Variants in ROPN1L observed in about 807,000 individuals in gnomAD.
ROPN1L encodes the protein ropporin-1-like protein.
A neutral mutation model predicts 22.7 loss-of-function variants in ROPN1L; 23 were observed. The observed-to-expected ratio is 1.01, with a 90% CI of 0.73 to 1.43. ROPN1L has a LOEUF of 1.43. ROPN1L is among the 40% of genes most tolerant of loss of function. The pLI is 0.00. For synonymous variants in ROPN1L, 116 were observed against 117.8 expected, an observed-to-expected ratio of 0.98 and a Z score of 0.10; for missense variants, 271 against 291.5, an observed-to-expected ratio of 0.93 and a Z score of 0.51.
At chr5:10,453,691 C>G (rs1741327310) in intron 3 of ROPN1L, among the ~76,000 whole-genome samples, 1 of 152,274 alleles carries the variant, frequency 6.6e-6, no homozygotes, top group Admixed American at 6.5e-5. Context: ...CAGGTGTACT[C>G]TCTGTGCTGT....
the ROPN1L span, among the ~76,000 whole-genome samples, chr5:10,481,014 C>T: frequency 6.6e-6 from 1 of 152,082 alleles, no homozygotes; most frequent in Non-Finnish European, 1.5e-5. Flanking sequence ...TCCTATGAAA[C>T]CCACCGCAGT....
chr5:10,448,473 C>A, intron 2 of ROPN1L, 90 bp downstream of exon 2: 3 of 1,470,028 alleles, frequency 2.0e-6, no homozygotes, highest in South Asian at 1.3e-5. Context: ...GGGGCACACC[C>A]CAGCAATGTA....
At chr5:10,471,245 C>A (rs769506429) in intron 4 of ROPN1L, among the ~76,000 whole-genome samples, 3 of 152,272 alleles carry the variant, frequency 2.0e-5, no homozygotes, top group Non-Finnish European at 4.4e-5. Flanking sequence ...TCAAGAGATT[C>A]TCCTGCCTCA....
chr5:10,448,232 G>A (rs773951135), intron 1 of ROPN1L, 28 bp from the exon 2 acceptor site: 6 of 1,613,202 alleles, frequency 3.7e-6, no homozygotes, highest in Non-Finnish European at 5.1e-6. Flanking sequence ...GTATTGATGA[G>A]CTTTCAGAGA....
intron 1 of ROPN1L, among the ~76,000 whole-genome samples, chr5:10,446,848 A>G (rs942899482): frequency 1.3e-5 from 2 of 152,168 alleles, no homozygotes; most frequent in South Asian, 4.1e-4. Context: ...AACCTTGATT[A>G]GTAGGAATGT....
chr5:10,463,825 AG>A (rs1250892872), intron 4 of ROPN1L, among the ~76,000 whole-genome samples: 1 of 152,158 alleles, frequency 6.6e-6, no homozygotes, highest in Non-Finnish European at 1.5e-5. Flanking sequence ...ACAGTAAGCC[AG>A]GGATAGGGAC....
chr5:10,449,382 G>T (rs1579644753), intron 2 of ROPN1L, among the ~76,000 whole-genome samples: 1 of 152,260 alleles, frequency 6.6e-6, no homozygotes, highest in South Asian at 2.1e-4. Flanking sequence ...AACAGGGCGT[G>T]GTGGTGCGCA....
intron 3 of ROPN1L, among the ~76,000 whole-genome samples, chr5:10,455,310 G>A (rs1464888074): frequency 6.6e-6 from 1 of 152,220 alleles, no homozygotes; most frequent in Non-Finnish European, 1.5e-5. Context: ...ATTCGGAAGT[G>A]ACCAAGAAAG....
At chr5:10,455,258 G>A (rs1262326924) in intron 3 of ROPN1L, among the ~76,000 whole-genome samples, 2 of 152,220 alleles carry the variant, frequency 1.3e-5, no homozygotes, top group Non-Finnish European at 2.9e-5. Context: ...ACTCCTCGCT[G>A]CTGTTTCCTT....
intron 3 of ROPN1L, among the ~76,000 whole-genome samples, chr5:10,458,269 C>T (rs1734890487): frequency 6.6e-6 from 1 of 151,954 alleles, no homozygotes; most frequent in African/African-American, 2.4e-5. Flanking sequence ...CACCAGCAGC[C>T]TCCCTCCTGG....
chr5:10,478,901 T>G, the ROPN1L span, among the ~76,000 whole-genome samples: 1 of 152,166 alleles, frequency 6.6e-6, no homozygotes, highest in Non-Finnish European at 1.5e-5. Context: ...GCATGGCCAA[T>G]TTTGGAAAGA....
chr5:10,473,121 A>G (rs564230225), downstream of ROPN1L, among the ~76,000 whole-genome samples: 2 of 152,154 alleles, frequency 1.3e-5, no homozygotes, highest in Non-Finnish European at 2.9e-5. Context: ...TTTGCAATTG[A>G]TTTGACCTGA....
intron 1 of ROPN1L, among the ~76,000 whole-genome samples, chr5:10,447,104 C>T (rs1741093472): frequency 6.6e-6 from 1 of 152,094 alleles, no homozygotes; most frequent in Admixed American, 6.5e-5. Flanking sequence ...TTCTAACTAC[C>T]CATGGCTTTA....
chr5:10,442,261 C>A lies in ROPN1L; in HGVS notation c.94C>A (p.Arg32Ser). ...ILKQFTKAAI[R>S]TQPADVLRWS... ...GAAGCAATTCACCAAGGCTGCCATCCGCACCCAGCCGGCCGACGTGCTGCG... is the reference window on the plus strand; with the variant it reads ...GAAGCAATTCACCAAGGCTGCCATCAGCACCCAGCCGGCCGACGTGCTGCG... Residue 32 changes from arginine (R) to serine (S), a missense_variant, in exon 1 of 5, where the codon CGC (arginine) becomes AGC (serine). Physicochemically the swap from Arg to Ser is moderately radical, Grantham distance 110 (BLOSUM62 -1). Coordinates refer to ENST00000274134, the MANE Select transcript of ROPN1L (RefSeq NM_031916.5). 1.9e-6 allele frequency: 3 copies of A among 1,613,682 alleles called. No homozygotes were observed. The highest frequency in any genetic ancestry group is 2.5e-6 in the Non-Finnish European group (3 of 1,179,894).
chr5:10,467,991 G>T (rs1021257173), downstream of ROPN1L, among the ~76,000 whole-genome samples: 2 of 152,210 alleles, frequency 1.3e-5, no homozygotes, highest in Non-Finnish European at 2.9e-5. Context: ...GCCACTGGCC[G>T]GCTCAGCATG....
chr5:10,481,859 C>T, the ROPN1L span: 3 of 152,222 alleles, frequency 2.0e-5, no homozygotes, highest in African/African-American at 7.2e-5. Flanking sequence ...ACCAAACCTG[C>T]TCTCTGCTCT....
At position 10,442,173 on chromosome 5, in the gene ROPN1L, G is replaced by A. The variant is rs1247699341; in HGVS notation, c.6G>A (p.Pro2=). The A allele has an allele frequency of 1.9e-6, 3 of 1,613,224 alleles. No individual in the cohort carries two copies. The highest frequency in any genetic ancestry group is 1.7e-5 in the Admixed American group (1 of 60,008). Residue 2 remains proline, a synonymous_variant, in exon 1 of 5, where the codon CCG becomes CCA. Coordinates refer to ENST00000274134, the MANE Select transcript of ROPN1L (RefSeq NM_031916.5). M[P]LPDTMFCAQQ... ...GGTCCCTTCTGCGGAGAGCGATGCC[G>A]CTTCCCGACACCATGTTCTGCGCTC...
chr5:10,472,629 C>CA (rs1357711706), downstream of ROPN1L, among the ~76,000 whole-genome samples: 1 of 152,168 alleles, frequency 6.6e-6, no homozygotes, highest in African/African-American at 2.4e-5. Context: ...TTTCATCCCC[C>CA]AAACAGCAAT....
chr5:10,450,579 A>G lies in ROPN1L; in HGVS notation c.417+466A>G, dbSNP rs548870901. ...AATGGCGCAATCTCGGCTCACCGCA[A>G]CCTCCGCCTCCCAGGTTCAAGCGAT... On this transcript the variant is annotated intron_variant, in intron 3 of 4. Coordinates refer to ENST00000274134, the MANE Select transcript of ROPN1L (RefSeq NM_031916.5). 1.3e-4 allele frequency among the ~76,000 whole-genome samples: 20 copies of G among 152,084 alleles called. No homozygotes were observed. In the South Asian group the frequency reaches 3.7e-3, roughly 28 times the overall value.
Sources: allele counts gnomAD v4.1 joint callset (sites outside exome capture counted in the v4.1 genomes callset), GRCh38; gene constraint gnomAD v4.1.1; transcripts MANE v1.5; gene names NCBI Gene and HGNC (gene_info 2026-07-23, HGNC 2026-07-21).